The following CFAP74 variants were observed in gnomAD, a reference collection of about 807,000 sequenced individuals.
CFAP74 encodes the protein cilia- and flagella-associated protein 74.
CFAP74 carries 124 observed loss-of-function variants against 188.9 expected under a neutral mutation model. The observed-to-expected ratio is 0.66, with a 90% CI of 0.57 to 0.76. CFAP74 has a LOEUF of 0.76. CFAP74 is among the 30% of genes least tolerant of loss of function. The probability of loss-of-function intolerance (pLI) is 0.00; values close to 1 mark genes in which losing one functional copy is unlikely to be tolerated. For synonymous variants in CFAP74, 956 were observed against 916.7 expected, an observed-to-expected ratio of 1.04 and a Z score of -0.77; for missense variants, 2,198 against 2,165.2, an observed-to-expected ratio of 1.02 and a Z score of -0.30.
chr1:1,956,217 T>C (rs1384366118), intron 17 of CFAP74, among the ~76,000 whole-genome samples: 2 of 152,210 alleles, frequency 1.3e-5, no homozygotes, highest in African/African-American at 2.4e-5. Flanking sequence ...CCCATACCCG[T>C]GACAGGACAA....
Position 1,946,301 on chromosome 1 carries a change from C to T in CFAP74, c.2364+16G>A. Reference sequence around the variant, plus strand: ...GGGCCAGGGTGTGTGCGTGGCGTGGCAGCAGGAATACTCACCGTGGGGCAC... The same window carrying T: ...GGGCCAGGGTGTGTGCGTGGCGTGGTAGCAGGAATACTCACCGTGGGGCAC... On this transcript the variant is annotated intron_variant, in intron 20 of 38. Coordinates refer to ENST00000682832, the MANE Select transcript of CFAP74 (RefSeq NM_001304360.2). 1.3e-6 allele frequency: 2 copies of T among 1,529,564 alleles called. No individual in the cohort carries two copies. The highest frequency in any genetic ancestry group is 1.8e-6 in the Non-Finnish European group (2 of 1,142,510). The allele number at this position is 1,529,564 out of a possible 1,614,324, so 94.7% of individuals were successfully genotyped here.
At chr1:1,926,816 G>T in intron 29 of CFAP74, 55 bp from the exon 30 acceptor site, 1 of 1,548,528 alleles carries the variant, frequency 6.5e-7, no homozygotes. Context: ...GCCCGCCCAG[G>T]CCCCAGAGTT....
In CFAP74 at chr1:1,926,468, C is replaced by T. The variant is rs762787756; in HGVS notation, c.3817G>A (p.Glu1273Lys). ...GTGGACAAGGACACGGCCAGATCCT[C>T]GGGAGAGACGTTCTGGATGGAGATC... ...KKISIQNVSPEDLALDFSLLN... is the reference protein window; with the variant it reads ...KKISIQNVSPKDLALDFSLLN... The change falls in exon 31 of 39, where the codon GAG (glutamate) becomes AAG (lysine). Residue 1273 changes from glutamate (E) to lysine (K), a missense_variant. Glu to Lys is a moderately conservative substitution (Grantham distance 56). Coordinates refer to ENST00000682832, the MANE Select transcript of CFAP74 (RefSeq NM_001304360.2). The T allele has an allele frequency of 2.2e-5, 34 of 1,550,126 alleles. No homozygotes were observed. Among genetic ancestry groups the T allele is most frequent in the African/African-American group, 9.6e-5 (7 of 73,040 alleles).
intron 20 of CFAP74, among the ~76,000 whole-genome samples, chr1:1,945,721 G>C (rs1157371613): frequency 6.6e-6 from 1 of 151,874 alleles, no homozygotes; most frequent in Non-Finnish European, 1.5e-5. Context: ...CCAGCTACTC[G>C]AGAGGTTGAG....
At chr1:1,930,963 C>G (rs1652320765) in intron 25 of CFAP74, among the ~76,000 whole-genome samples, 1 of 152,120 alleles carries the variant, frequency 6.6e-6, no homozygotes, top group African/African-American at 2.4e-5. Context: ...CCTCAAATGC[C>G]TATTTCCACT....
At position 1,982,601 on chromosome 1, in the gene CFAP74, C is replaced by T. The variant is rs540622815; in HGVS notation, c.500+2785G>A. 3.3e-4 allele frequency among the ~76,000 whole-genome samples: 51 copies of T among 152,378 alleles called. 1 individual carries two copies. The highest frequency in any genetic ancestry group is 3.2e-3 in the Admixed American group (49 of 15,314). On this transcript the variant is annotated intron_variant, in intron 6 of 38. Coordinates refer to ENST00000682832, the MANE Select transcript of CFAP74 (RefSeq NM_001304360.2). ...CTACCCACTGAAGATATGCAGGGAACGTTCCAGATGCTTTGTACTGCATGC... is the reference window on the plus strand; with the variant it reads ...CTACCCACTGAAGATATGCAGGGAATGTTCCAGATGCTTTGTACTGCATGC...
At chr1:1,959,504 G>A (rs565586530) in intron 15 of CFAP74, among the ~76,000 whole-genome samples, 13 of 152,296 alleles carry the variant, frequency 8.5e-5, no homozygotes, top group African/African-American at 2.6e-4. Flanking sequence ...GGGCTCAAGC[G>A]ACCCTCCTGC....
chr1:1,972,961 C>T lies in CFAP74; in HGVS notation c.761G>A (p.Arg254Gln), dbSNP rs527742287. ...DARKNHKVAV[R>Q]FLKASLGRIR... ...CCTTCCCAGGGAGGCCTTCAGGAAC[C>T]GCACGGCAACCTTGTGGTTCTTCCG... Residue 254 changes from arginine (R) to glutamine (Q), a missense_variant, in exon 8 of 39, where the codon CGG (arginine) becomes CAG (glutamine). Transcript: ENST00000682832. The T allele has an allele frequency of 2.7e-5, 44 of 1,613,968 alleles. No individual in the cohort carries two copies. The highest frequency in any genetic ancestry group is 3.4e-5 in the Non-Finnish European group (40 of 1,179,968).
At chr1:1,988,418 G>A in intron 4 of CFAP74, 94 bp downstream of exon 4, 1 of 1,501,900 alleles carries the variant, frequency 6.7e-7, no homozygotes, top group Non-Finnish European at 9.1e-7. Context: ...GGCCCTCAGG[G>A]TGACGACAGG....
At chr1:1,939,196 G>C (rs1653178134) in intron 24 of CFAP74, among the ~76,000 whole-genome samples, 1 of 152,250 alleles carries the variant, frequency 6.6e-6, no homozygotes, top group African/African-American at 2.4e-5. Context: ...GTGAGCATGT[G>C]CATGTGTGTG....
At chr1:1,952,538 A>G (rs1654266464) in intron 18 of CFAP74, among the ~76,000 whole-genome samples, 1 of 151,872 alleles carries the variant, frequency 6.6e-6, no homozygotes, top group Non-Finnish European at 1.5e-5. Flanking sequence ...TGAGCAAGAA[A>G]GAAAGAAAAA....
chr1:1,998,325 G>A (rs541730950), intron 1 of CFAP74, among the ~76,000 whole-genome samples: 221 of 152,220 alleles, frequency 1.5e-3, no homozygotes, highest in African/African-American at 5.1e-3. Flanking sequence ...TGATGATTTT[G>A]TGGTTATGCT....
At chr1:1,955,950 G>C in intron 17 of CFAP74, 100 bp from the exon 18 acceptor site, 1 of 1,472,052 alleles carries the variant, frequency 6.8e-7, no homozygotes. Context: ...TTGGGGGCTG[G>C]ACCCTGGCTC....
chr1:1,947,216 C>T (rs1653833599), intron 18 of CFAP74, among the ~76,000 whole-genome samples, 162 bp from the exon 19 acceptor site: 1 of 152,234 alleles, frequency 6.6e-6, no homozygotes, highest in Admixed American at 6.5e-5. Context: ...CACCCAGGCC[C>T]AGAGAGGGTG....
In CFAP74 at chr1:1,944,386, G is replaced by T; in HGVS notation, c.2431C>A (p.Leu811Met). The T allele has an allele frequency of 6.5e-7, 1 of 1,536,116 alleles. No individual in the cohort carries two copies. The highest frequency in any genetic ancestry group is 8.7e-7 in the Non-Finnish European group (1 of 1,146,914). Residue 811 changes from leucine to methionine, a missense_variant, in exon 21 of 39, where the codon CTG (leucine) becomes ATG (methionine). Physicochemically the swap from Leu to Met is conservative, Grantham distance 15. Coordinates refer to ENST00000682832, the MANE Select transcript of CFAP74 (RefSeq NM_001304360.2). ...AGCCGGTCATACATGCAGATCTTCA[G>T]GTCCACGCTGGGCTTCGGCACCCAG... ...PVWVPKPSVD[L>M]KICMYDRLYQ...
At chr1:1,986,200 T>C (rs1465460013) in intron 5 of CFAP74, among the ~76,000 whole-genome samples, 1 of 152,050 alleles carries the variant, frequency 6.6e-6, no homozygotes, top group East Asian at 1.9e-4. Flanking sequence ...CTGGCCAAGA[T>C]GGTGAAACCC....
intron 1 of CFAP74, among the ~76,000 whole-genome samples, chr1:1,998,661 T>A (rs1019588903): frequency 1.3e-5 from 2 of 152,022 alleles, no homozygotes; most frequent in African/African-American, 4.8e-5. Flanking sequence ...GATCGTGAGG[T>A]CAGGAGATCA....
intron 21 of CFAP74, 84 bp downstream of exon 21, chr1:1,944,247 G>C: frequency 6.7e-7 from 1 of 1,494,206 alleles, no homozygotes; most frequent in Non-Finnish European, 8.9e-7. Context: ...GGACAGGAGG[G>C]GGCTCACCGC....
intron 21 of CFAP74, among the ~76,000 whole-genome samples, chr1:1,943,264 G>A (rs985527887): frequency 6.6e-6 from 1 of 151,672 alleles, no homozygotes; most frequent in Non-Finnish European, 1.5e-5. Context: ...GCCACTGAGA[G>A]GCTGTAGTAG....
Sources: gnomAD v4.1 joint callset for allele counts (sites outside exome capture counted in the v4.1 genomes callset) on GRCh38, gnomAD v4.1.1 for gene constraint, MANE v1.5 for transcripts, NCBI Gene and HGNC (gene_info 2026-07-23, HGNC 2026-07-21) for gene names.